Variants in LAMA2 observed in about 807,000 individuals in gnomAD.
The protein encoded by LAMA2 is laminin subunit alpha-2.
In LAMA2, 269 loss-of-function variants were observed where a neutral mutation model predicts 364.8. The observed-to-expected ratio is 0.74, with a 90% CI of 0.67 to 0.82. LAMA2 has a LOEUF of 0.82. Among genes scored for constraint, LAMA2 ranks in the 40% least tolerant of loss-of-function variants. The pLI is 0.00. For synonymous variants in LAMA2, 1,379 were observed against 1,370.6 expected, an observed-to-expected ratio of 1.01 and a Z score of -0.14; for missense variants, 3,807 against 3,873.2, an observed-to-expected ratio of 0.98 and a Z score of 0.45.
At chr6:129,225,572 A>T (rs1163874212) in intron 12 of LAMA2, among the ~76,000 whole-genome samples, 1 of 152,086 alleles carries the variant, frequency 6.6e-6, no homozygotes, top group Non-Finnish European at 1.5e-5. Context: ...TCTTTATTCC[A>T]GCCTTCATTT....
chr6:129,152,733 C>T (rs1301029886), intron 7 of LAMA2, among the ~76,000 whole-genome samples: 1 of 152,122 alleles, frequency 6.6e-6, no homozygotes, highest in Non-Finnish European at 1.5e-5. Context: ...TCCTTGTCCT[C>T]CCAGTATGTG....
intron 3 of LAMA2, among the ~76,000 whole-genome samples, chr6:129,091,872 A>G (rs1370804486): frequency 6.6e-6 from 1 of 152,236 alleles, no homozygotes; most frequent in African/African-American, 2.4e-5. Context: ...AAGTCCACTT[A>G]TAGCATTGTC....
At chr6:129,159,990 G>A (rs1333459070) in intron 8 of LAMA2, among the ~76,000 whole-genome samples, 4 of 151,948 alleles carry the variant, frequency 2.6e-5, no homozygotes, top group African/African-American at 7.3e-5. Context: ...TTATATATTG[G>A]ATGATTCAAT....
At position 129,320,664 on chromosome 6, in the gene LAMA2, C is replaced by T. The variant is rs117116822; in HGVS notation, c.4176+9C>T. On this transcript the variant is annotated intron_variant, in intron 28 of 64. Transcript: ENST00000421865. Reference sequence around the variant, plus strand: ...CTGGCCTGTCCTGTGAGGTAAGCTACCTCCTACTAACCTGCTTAATCTCAA... The same window carrying T: ...CTGGCCTGTCCTGTGAGGTAAGCTATCTCCTACTAACCTGCTTAATCTCAA... 590 of 1,470,756 alleles carry T rather than the reference C, an allele frequency of 4.0e-4. No homozygotes were observed. The highest frequency in any genetic ancestry group is 8.9e-4 in the Admixed American group (53 of 59,738). The allele number at this position is 1,470,756 out of a possible 1,614,324, so 91.1% of individuals were successfully genotyped here.
rs972790360 is a variant in LAMA2 at position 129,326,051 on chromosome 6, G to A, written c.4177-2227G>A. Reference sequence around the variant, plus strand: ...GACATGGTTTCACCATGTTGGCCAGGCTGGTCTGGAACTCCTGACCTCAAG... The same window carrying A: ...GACATGGTTTCACCATGTTGGCCAGACTGGTCTGGAACTCCTGACCTCAAG... On this transcript the variant is annotated intron_variant, in intron 28 of 64. Coordinates refer to ENST00000421865, the MANE Select transcript of LAMA2 (RefSeq NM_000426.4). Among the ~76,000 whole-genome samples, 7 of 152,064 alleles carry A rather than the reference G, an allele frequency of 4.6e-5. No individual in the cohort carries two copies. The South Asian group carries it at 1.2e-3, about 27-fold the overall frequency.
intron 55 of LAMA2, among the ~76,000 whole-genome samples, chr6:129,484,372 C>A (rs966686423): frequency 6.6e-6 from 1 of 152,172 alleles, no homozygotes; most frequent in African/African-American, 2.4e-5. Context: ...GGCACTATCT[C>A]CTGAAGTTGA....
Position 128,943,983 on chromosome 6 carries a change from A to G in LAMA2, c.112+60626A>G, listed in dbSNP as rs533506775. 7.2e-5 allele frequency among the ~76,000 whole-genome samples: 11 copies of G among 152,336 alleles called. No individual in the cohort carries two copies. The South Asian group carries it at 1.9e-3, about 26-fold the overall frequency. On this transcript the variant is annotated intron_variant, in intron 1 of 64. Transcript: ENST00000421865. ...AGAGTGATACGTCTGTTATGATGCAATTAATTGTGATATACTGTCTACTGG... is the reference window on the plus strand; with the variant it reads ...AGAGTGATACGTCTGTTATGATGCAGTTAATTGTGATATACTGTCTACTGG...
chr6:129,356,225 T>C (rs1777146029), intron 32 of LAMA2, among the ~76,000 whole-genome samples: 2 of 152,082 alleles, frequency 1.3e-5, no homozygotes, highest in African/African-American at 4.8e-5. Context: ...GTGTCCACGT[T>C]AGGAACCTAT....
At chr6:129,322,987 C>T (rs1583492070) in intron 28 of LAMA2, among the ~76,000 whole-genome samples, 1 of 152,216 alleles carries the variant, frequency 6.6e-6, no homozygotes, top group Non-Finnish European at 1.5e-5. Context: ...TTAGTGGCTT[C>T]ACCGTCCCAT....
chr6:129,343,600 T>G (rs1776386904), intron 30 of LAMA2, among the ~76,000 whole-genome samples: 1 of 152,218 alleles, frequency 6.6e-6, no homozygotes, highest in Non-Finnish European at 1.5e-5. Flanking sequence ...CCGATTTATT[T>G]AATTGTTTTA....
intron 1 of LAMA2, among the ~76,000 whole-genome samples, chr6:128,966,557 CAG>C (rs67839131): frequency 0.07 from 10,627 of 152,088 alleles, 447 homozygotes; most frequent in South Asian, 0.12. Flanking sequence ...GGTAAGGCCT[CAG>C]AGAATGTTCC....
intron 22 of LAMA2, among the ~76,000 whole-genome samples, chr6:129,303,016 A>G (rs1433313755): frequency 2.0e-5 from 3 of 152,094 alleles, no homozygotes; most frequent in Non-Finnish European, 2.9e-5. Flanking sequence ...TTTGGCTGAA[A>G]TTATATTGAA....
rs942627562 is a variant in LAMA2, at chr6:128,931,233, T to C, written c.112+47876T>C. 2.0e-5 allele frequency among the ~76,000 whole-genome samples: 3 copies of C among 152,212 alleles called. No homozygotes were observed. In the East Asian group the frequency reaches 5.8e-4, roughly 29 times the overall value. On this transcript the variant is annotated intron_variant, in intron 1 of 64. Coordinates refer to ENST00000421865, the MANE Select transcript of LAMA2 (RefSeq NM_000426.4). ...GATACAGGTAAAAGTTCTGTGAAAT[T>C]GTTTAAAAAATAACTAAATAAATGA...
At chr6:129,351,575 T>C (rs1375219068) in intron 31 of LAMA2, among the ~76,000 whole-genome samples, 1 of 152,184 alleles carries the variant, frequency 6.6e-6, no homozygotes, top group East Asian at 1.9e-4. Context: ...TCCAAATAAA[T>C]TTGTTCCAGT....
chr6:129,163,613 A>G (rs969824277), intron 8 of LAMA2, among the ~76,000 whole-genome samples: 2 of 152,184 alleles, frequency 1.3e-5, no homozygotes, highest in Admixed American at 6.5e-5. Context: ...AGCCTGGGCA[A>G]GAGAGCGAGA....
At chr6:129,088,756 A>G (rs1024366384) in intron 3 of LAMA2, among the ~76,000 whole-genome samples, 3 of 149,634 alleles carry the variant, frequency 2.0e-5, no homozygotes, top group East Asian at 4.0e-4. Context: ...TCTCAGACGC[A>G]GCGGCCGGGC....
At position 129,491,876 on chromosome 6, in the gene LAMA2, T is replaced by A. The variant is rs1486938246; in HGVS notation, c.7899-25T>A. On this transcript the variant is annotated intron_variant, in intron 56 of 64. Transcript: ENST00000421865. ...GTATTGAATCAGATGTGACTTATAC[T>A]TGTTTATTTTTAATATTTTATCAGC... The A allele has an allele frequency of 5.8e-6, 9 of 1,543,022 alleles. No homozygotes were observed. The African/African-American group carries it at 1.2e-4, about 21-fold the overall frequency.
chr6:128,929,038 G>C, intron 1 of LAMA2: 1 of 1,432,876 alleles, frequency 7.0e-7, no homozygotes, highest in Non-Finnish European at 9.8e-7. Flanking sequence ...AGAAGCCAAT[G>C]GTATCCTCTA....
At chr6:129,351,808 G>A (rs577705746) in intron 31 of LAMA2, among the ~76,000 whole-genome samples, 6 of 152,078 alleles carry the variant, frequency 3.9e-5, no homozygotes, top group African/African-American at 1.4e-4. Flanking sequence ...CCATTTAAGT[G>A]GACTTACTTA....
Sources: gnomAD v4.1 joint callset for allele counts (sites outside exome capture counted in the v4.1 genomes callset) on GRCh38, gnomAD v4.1.1 for gene constraint, MANE v1.5 for transcripts, NCBI Gene and HGNC (gene_info 2026-07-23, HGNC 2026-07-21) for gene names.